Variants in NTRK3 observed in about 807,000 individuals in gnomAD.
The protein encoded by NTRK3 is neurotrophic receptor tyrosine kinase 3.
Under a neutral mutation model 91.7 loss-of-function variants are expected in NTRK3, and 24 were observed. The ratio of observed to expected loss-of-function variants is 0.26; its 90% CI spans 0.19 to 0.37. The LOEUF (loss-of-function observed/expected upper bound fraction) is 0.37, where lower values mean the gene tolerates loss of function less well. Among genes scored for constraint, NTRK3 ranks in the 10% least tolerant of loss-of-function variants. The pLI is 1.00. For missense variants in NTRK3, 880 were observed against 1,068.9 expected, an observed-to-expected ratio of 0.82 and a Z score of 2.46; for synonymous variants, 483 against 404.0, an observed-to-expected ratio of 1.20 and a Z score of -2.34.
chr15:88,220,442 G>T (rs868563879), intron 3 of NTRK3, among the ~76,000 whole-genome samples: 1 of 152,334 alleles, frequency 6.6e-6, no homozygotes, highest in Middle Eastern at 3.4e-3. Context: ...TGCAGGTACA[G>T]ATGGGAGTTC....
At chr15:88,132,544 A>G (rs74027767) in intron 10 of NTRK3, among the ~76,000 whole-genome samples, 370 of 152,316 alleles carry the variant, frequency 2.4e-3, no homozygotes, top group African/African-American at 8.6e-3. Context: ...CTGATTTCAG[A>G]CTGCCTGCTC....
intron 14 of NTRK3, among the ~76,000 whole-genome samples, chr15:87,982,296 C>T (rs912489343): frequency 7.2e-5 from 11 of 152,174 alleles, no homozygotes; most frequent in African/African-American, 2.2e-4. Flanking sequence ...AACCCCTGAG[C>T]AGAAAGCAAA....
intron 13 of NTRK3, among the ~76,000 whole-genome samples, chr15:88,083,376 C>A (rs1479831829): frequency 6.6e-6 from 1 of 152,154 alleles, no homozygotes; most frequent in Non-Finnish European, 1.5e-5. Context: ...GCACCCACCA[C>A]CATGCCCAGC....
intron 15 of NTRK3, among the ~76,000 whole-genome samples, chr15:87,935,169 G>C (rs759457633): frequency 6.6e-6 from 1 of 152,092 alleles, no homozygotes; most frequent in African/African-American, 2.4e-5. Context: ...AGGTCCCCAA[G>C]ACAATGGTGG....
chr15:88,054,867 T>G, intron 13 of NTRK3, among the ~76,000 whole-genome samples: 1 of 152,130 alleles, frequency 6.6e-6, no homozygotes, highest in East Asian at 1.9e-4. Flanking sequence ...AAAGTGCAAG[T>G]GATTTTTGCA....
chr15:87,878,931 GT>G (rs1419292125), intron 18 of NTRK3, among the ~76,000 whole-genome samples: 4 of 151,618 alleles, frequency 2.6e-5, no homozygotes, highest in Non-Finnish European at 5.9e-5. Context: ...GTGTGTGTGT[GT>G]GTGTGTGTGT....
chr15:87,904,361 T>G (rs1244171257), intron 17 of NTRK3, among the ~76,000 whole-genome samples: 1 of 151,976 alleles, frequency 6.6e-6, no homozygotes, highest in African/African-American at 2.4e-5. Flanking sequence ...TTTCACCATG[T>G]TGGACAAGAT....
intron 3 of NTRK3, among the ~76,000 whole-genome samples, chr15:88,190,341 C>T (rs531399449): frequency 2.0e-4 from 31 of 152,264 alleles, no homozygotes; most frequent in African/African-American, 7.5e-4. Context: ...TTACACACAT[C>T]CTTGCCTTTT....
chr15:88,178,008 C>T (rs2046149619), intron 5 of NTRK3, among the ~76,000 whole-genome samples: 1 of 152,132 alleles, frequency 6.6e-6, no homozygotes, highest in South Asian at 2.1e-4. Flanking sequence ...GGATTTGAAC[C>T]CTGATCTTTC....
At chr15:88,011,391 A>T (rs1305021315) in intron 14 of NTRK3, among the ~76,000 whole-genome samples, 1 of 152,222 alleles carries the variant, frequency 6.6e-6, no homozygotes. Context: ...GTCTGTAAGG[A>T]CTTACAAAAT....
At chr15:87,972,038 G>A (rs1336718232) in intron 14 of NTRK3, among the ~76,000 whole-genome samples, 1 of 152,172 alleles carries the variant, frequency 6.6e-6, no homozygotes, top group Non-Finnish European at 1.5e-5. Context: ...GTATCACCAG[G>A]CCATATTAGA....
At chr15:87,918,892 A>G (rs1160156517) in intron 17 of NTRK3, among the ~76,000 whole-genome samples, 1 of 152,176 alleles carries the variant, frequency 6.6e-6, no homozygotes, top group East Asian at 1.9e-4. Context: ...ACTAGAGTTG[A>G]GGTTAAGAAC....
intron 14 of NTRK3, among the ~76,000 whole-genome samples, chr15:87,950,650 C>T (rs927036382): frequency 3.9e-5 from 6 of 152,008 alleles, no homozygotes; most frequent in East Asian, 1.9e-4. Context: ...TTTTCATGAG[C>T]GAAATTAAGA....
chr15:88,247,517 T>G (rs1300687586), intron 3 of NTRK3, among the ~76,000 whole-genome samples: 2 of 152,182 alleles, frequency 1.3e-5, no homozygotes, highest in East Asian at 3.9e-4. Context: ...ATCTTCCCAG[T>G]AGTCTAGAAA....
chr15:88,107,157 C>T (rs2150937406), intron 13 of NTRK3, among the ~76,000 whole-genome samples: 1 of 151,918 alleles, frequency 6.6e-6, no homozygotes, highest in East Asian at 1.9e-4. Context: ...AAAAATAAGT[C>T]CACAGGCCAG....
intron 14 of NTRK3, among the ~76,000 whole-genome samples, chr15:87,999,965 C>A (rs971322286): frequency 3.3e-5 from 5 of 152,158 alleles, no homozygotes; most frequent in Non-Finnish European, 5.9e-5. Context: ...TCTGAGAGTA[C>A]AGGGCTTGGA....
chr15:88,021,252 G>T (rs1251910606), intron 14 of NTRK3, among the ~76,000 whole-genome samples: 4 of 152,210 alleles, frequency 2.6e-5, no homozygotes. Flanking sequence ...CCCTCCGAGG[G>T]GCTTGAGAGG....
At chr15:88,113,185 G>A (rs889739243) in intron 13 of NTRK3, among the ~76,000 whole-genome samples, 30 of 152,076 alleles carry the variant, frequency 2.0e-4, no homozygotes, top group Non-Finnish European at 3.1e-4. Context: ...GTATTAAGGT[G>A]TAGGTTTTGT....
intron 3 of NTRK3, among the ~76,000 whole-genome samples, chr15:88,187,428 A>G (rs750286512): frequency 2.6e-5 from 4 of 152,172 alleles, no homozygotes; most frequent in Non-Finnish European, 5.9e-5. Context: ...CCAGGAGGTC[A>G]GTGTTGTGAC....
Sources: gnomAD v4.1 joint callset for allele counts (sites outside exome capture counted in the v4.1 genomes callset) on GRCh38, gnomAD v4.1.1 for gene constraint, MANE v1.5 for transcripts, NCBI Gene and HGNC (gene_info 2026-07-23, HGNC 2026-07-21) for gene names.